RBFOX1: variants seen among roughly 807,000 people sequenced by gnomAD.
RBFOX1 encodes RNA binding fox-1 homolog 1, also known as RNA binding protein fox-1 homolog 1.
A neutral mutation model predicts 57.7 loss-of-function variants in RBFOX1; 8 were observed. The observed-to-expected ratio is 0.14, with a 90% CI of 0.08 to 0.25. The LOEUF is 0.25. Among genes scored for constraint, RBFOX1 ranks in the 10% least tolerant of loss-of-function variants. The pLI, the probability that RBFOX1 is intolerant of heterozygous loss-of-function variation, is 1.00. For missense variants in RBFOX1, 611 were observed against 548.5 expected (o/e 1.11, Z -1.14); for synonymous variants, 326 against 222.4 (o/e 1.47, Z -4.15).
intron 3 of RBFOX1, among the ~76,000 whole-genome samples, chr16:6,959,949 A>G (rs1293341571): frequency 6.6e-6 from 1 of 152,162 alleles, no homozygotes; most frequent in Non-Finnish European, 1.5e-5. Context: ...AAATAAATAA[A>G]TTAATAAATG....
intron 3 of RBFOX1, among the ~76,000 whole-genome samples, chr16:6,679,762 T>C (rs1184578431): frequency 1.3e-5 from 2 of 152,128 alleles, no homozygotes; most frequent in Non-Finnish European, 2.9e-5. Flanking sequence ...TTTGTGCATG[T>C]AACTTCCCTT....
chr16:7,378,493 A>G (rs966717977), intron 4 of RBFOX1, among the ~76,000 whole-genome samples: 48 of 152,162 alleles, frequency 3.2e-4, no homozygotes, highest in African/African-American at 1.1e-3. Context: ...TACTTGTGTA[A>G]CATTTCTGTC....
At chr16:7,081,842 C>A (rs779341592) in intron 4 of RBFOX1, among the ~76,000 whole-genome samples, 2 of 152,248 alleles carry the variant, frequency 1.3e-5, no homozygotes, top group African/African-American at 4.8e-5. Flanking sequence ...TATGTTTAAC[C>A]ATCTTCCTGT....
intron 1 of RBFOX1, among the ~76,000 whole-genome samples, chr16:5,329,000 T>C (rs1001032348): frequency 1.3e-5 from 2 of 152,206 alleles, no homozygotes; most frequent in African/African-American, 4.8e-5. Flanking sequence ...TAAGCTAGCT[T>C]ATTAATATTA....
chr16:7,548,990 A>C (rs963940876), intron 5 of RBFOX1, among the ~76,000 whole-genome samples: 1 of 152,238 alleles, frequency 6.6e-6, no homozygotes, highest in Non-Finnish European at 1.5e-5. Flanking sequence ...GATCCGAAGA[A>C]ACACATCAGA....
intron 9 of RBFOX1, among the ~76,000 whole-genome samples, chr16:7,606,878 T>A (rs2095305023): frequency 6.6e-6 from 1 of 152,196 alleles, no homozygotes; most frequent in Non-Finnish European, 1.5e-5. Context: ...CTGCCAAGAA[T>A]TTTGTTTATG....
intron 4 of RBFOX1, among the ~76,000 whole-genome samples, chr16:7,163,798 A>G (rs2078884089): frequency 1.3e-5 from 2 of 152,060 alleles, no homozygotes; most frequent in Non-Finnish European, 2.9e-5. Flanking sequence ...CTGGGACTGT[A>G]GGCGCATGCC....
At chr16:5,294,224 G>C (rs1425649142) in intron 1 of RBFOX1, among the ~76,000 whole-genome samples, 1 of 152,000 alleles carries the variant, frequency 6.6e-6, no homozygotes, top group South Asian at 2.1e-4. Context: ...ACAAGATTCT[G>C]TCTCAAAAAC....
At chr16:7,297,630 C>T (rs1221444364) in intron 4 of RBFOX1, among the ~76,000 whole-genome samples, 1 of 151,882 alleles carries the variant, frequency 6.6e-6, no homozygotes, top group Non-Finnish European at 1.5e-5. Context: ...GGAAAGTTAC[C>T]ACCATTAAAA....
At chr16:5,439,973 A>G (rs1368876308) in intron 1 of RBFOX1, among the ~76,000 whole-genome samples, 2 of 152,232 alleles carry the variant, frequency 1.3e-5, no homozygotes, top group Non-Finnish European at 2.9e-5. Flanking sequence ...GCAGCTCAGG[A>G]TAAATGCCAG....
At chr16:6,607,218 A>G (rs1040541355) in intron 2 of RBFOX1, among the ~76,000 whole-genome samples, 2 of 152,184 alleles carry the variant, frequency 1.3e-5, no homozygotes, top group African/African-American at 4.8e-5. Flanking sequence ...AATGACAGAA[A>G]GATATCAGAA....
intron 2 of RBFOX1, among the ~76,000 whole-genome samples, chr16:5,547,272 G>A (rs1373822112): frequency 6.6e-6 from 1 of 152,158 alleles, no homozygotes; most frequent in Non-Finnish European, 1.5e-5. Flanking sequence ...ATGAGAAAAG[G>A]CAGCATGTCC....
chr16:6,961,674 G>A (rs898292730), intron 3 of RBFOX1, among the ~76,000 whole-genome samples: 2 of 152,146 alleles, frequency 1.3e-5, no homozygotes, highest in African/African-American at 4.8e-5. Flanking sequence ...TCTGGGAAAG[G>A]GGTGGGGACT....
intron 3 of RBFOX1, among the ~76,000 whole-genome samples, chr16:6,978,128 A>G (rs557926468): frequency 7.3e-4 from 111 of 152,014 alleles, no homozygotes; most frequent in African/African-American, 2.4e-3. Flanking sequence ...CCTGAACACA[A>G]CAGCCGGGCA....
intron 4 of RBFOX1, among the ~76,000 whole-genome samples, chr16:7,471,216 T>C (rs1244437298): frequency 1.3e-5 from 2 of 152,228 alleles, no homozygotes; most frequent in African/African-American, 2.4e-5. Flanking sequence ...TGTTTGTTCA[T>C]TGCATAAAGT....
intron 3 of RBFOX1, among the ~76,000 whole-genome samples, chr16:7,018,916 C>G (rs193164547): frequency 6.6e-6 from 1 of 152,012 alleles, no homozygotes; most frequent in Non-Finnish European, 1.5e-5. Context: ...CTCAGGAGTT[C>G]AAGACCAGCC....
chr16:5,918,250 G>C (rs187142837), intron 4 of RBFOX1, among the ~76,000 whole-genome samples: 164 of 152,306 alleles, frequency 1.1e-3, no homozygotes, highest in African/African-American at 3.6e-3. Flanking sequence ...CTCCCGAGTA[G>C]CTGGGACTAC....
intron 3 of RBFOX1, among the ~76,000 whole-genome samples, chr16:6,672,251 C>T (rs947925887): frequency 6.6e-6 from 1 of 151,956 alleles, no homozygotes; most frequent in Non-Finnish European, 1.5e-5. Context: ...CACCATAACG[C>T]TTAGAGTCCA....
intron 2 of RBFOX1, among the ~76,000 whole-genome samples, chr16:6,595,889 C>T (rs186168535): frequency 1.8e-4 from 28 of 152,152 alleles, no homozygotes; most frequent in East Asian, 5.8e-4. Flanking sequence ...AATACTTCGC[C>T]AACTTTTAAA....
Sources: allele counts gnomAD v4.1 joint callset (sites outside exome capture counted in the v4.1 genomes callset), GRCh38; gene constraint gnomAD v4.1.1; transcripts MANE v1.5; gene names NCBI Gene and HGNC (gene_info 2026-07-23, HGNC 2026-07-21).